AFAP1L2: variants seen among roughly 807,000 people sequenced by gnomAD.
AFAP1L2 encodes actin filament associated protein 1 like 2, also known as actin filament-associated protein 1-like 2.
Under a neutral mutation model 99.3 loss-of-function variants are expected in AFAP1L2, and 46 were observed. The ratio of observed to expected loss-of-function variants is 0.46; its 90% confidence interval spans 0.37 to 0.59. The LOEUF (loss-of-function observed/expected upper bound fraction) is 0.59, where lower values mean the gene tolerates loss of function less well. Ranked by LOEUF, AFAP1L2 falls within the 20% of genes least tolerant of loss-of-function variation. The pLI, the probability that AFAP1L2 is intolerant of heterozygous loss-of-function variation, is 0.00. For missense variants in AFAP1L2, 959 were observed against 1,034.9 expected, an observed-to-expected ratio of 0.93 and a Z score of 1.01; for synonymous variants, 397 against 419.1, an observed-to-expected ratio of 0.95 and a Z score of 0.64.
At chr10:114,381,409 T>C (rs940711750) in intron 1 of AFAP1L2, among the ~76,000 whole-genome samples, 1 of 152,102 alleles carries the variant, frequency 6.6e-6, no homozygotes, top group Non-Finnish European at 1.5e-5. Context: ...GATGAAGGGG[T>C]GATCAATAAA....
intron 1 of AFAP1L2, among the ~76,000 whole-genome samples, chr10:114,359,419 A>C (rs1249360465): frequency 2.0e-5 from 3 of 152,214 alleles, no homozygotes; most frequent in Admixed American, 6.5e-5. Context: ...GTACTTCTTA[A>C]TGGAGCAACT....
chr10:114,298,815 AGAAATGAAGGCTG>A lies in AFAP1L2; in HGVS notation c.2113+432_2113+444del, dbSNP rs984494786. Among the ~76,000 whole-genome samples, 18 of 152,334 alleles carry A rather than the reference AGAAATGAAGGCTG, an allele frequency of 1.2e-4. No individual in the cohort carries two copies. The East Asian group carries it at 1.9e-3, about 16-fold the overall frequency. ...TATCTTAAGTTTTTGTTGACTTTCA[AGAAATGAAGGCTG>A]GAAATGAAGGCTGATGCATTAACAG... On this transcript the variant is annotated intron_variant, in intron 16 of 18. Transcript: ENST00000304129.
At chr10:114,322,688 T>C (rs1044275478) in intron 5 of AFAP1L2, among the ~76,000 whole-genome samples, 1 of 152,086 alleles carries the variant, frequency 6.6e-6, no homozygotes. Flanking sequence ...GGAATGTCAG[T>C]GCTGGGATGA....
chr10:114,350,793 G>C (rs943912795), intron 1 of AFAP1L2, among the ~76,000 whole-genome samples: 1 of 152,150 alleles, frequency 6.6e-6, no homozygotes, highest in African/African-American at 2.4e-5. Flanking sequence ...GAGAACCCAC[G>C]GTGAAAGAAA....
chr10:114,283,051 C>T, the AFAP1L2 span, among the ~76,000 whole-genome samples: 3 of 152,190 alleles, frequency 2.0e-5, no homozygotes, highest in Non-Finnish European at 2.9e-5. Context: ...CCCAAATTAA[C>T]GTGAGGAATC....
At chr10:114,289,073 A>T in the AFAP1L2 span, 1 of 1,614,190 alleles carries the variant, frequency 6.2e-7, no homozygotes, top group Non-Finnish European at 8.5e-7. Context: ...GACGTGACAC[A>T]GGTCGGCCTG....
At chr10:114,340,824 G>A (rs201440552) in intron 1 of AFAP1L2, 93 bp from the exon 2 acceptor site, 148 of 1,555,944 alleles carry the variant, frequency 9.5e-5, no homozygotes, top group Admixed American at 1.8e-4. Context: ...CTCCCACCTC[G>A]AACCCTCTGG....
the AFAP1L2 span, chr10:114,286,136 G>A: frequency 1.9e-6 from 3 of 1,614,130 alleles, no homozygotes; most frequent in Non-Finnish European, 2.5e-6. Flanking sequence ...GCCTGTGGGG[G>A]AGTACCAGGA....
At chr10:114,399,059 G>A (rs955568196) in intron 1 of AFAP1L2, among the ~76,000 whole-genome samples, 2 of 152,168 alleles carry the variant, frequency 1.3e-5, no homozygotes, top group Non-Finnish European at 2.9e-5. Context: ...GAGAATATGT[G>A]ATCTCTTTGC....
At chr10:114,337,602 A>G (rs2048170982) in intron 2 of AFAP1L2, among the ~76,000 whole-genome samples, 1 of 152,122 alleles carries the variant, frequency 6.6e-6, no homozygotes, top group African/African-American at 2.4e-5. Context: ...GTCCACGGAG[A>G]GGGGAAGGCC....
Position 114,401,703 on chromosome 10 carries a change from TG to T in AFAP1L2, c.16+2736del, listed in dbSNP as rs147023851. Among the ~76,000 whole-genome samples the T allele has an allele frequency of 1.8e-3, 268 of 152,264 alleles. 3 individuals carry two copies. The highest frequency in any genetic ancestry group is 6.2e-3 in the African/African-American group (258 of 41,558). On this transcript the variant is annotated intron_variant, in intron 1 of 18. Transcript: ENST00000304129. ...CTTGGAAGGGACTGGGAAGAAAGTC[TG>T]GAAGTGTCTCTGCAACAGGCATGTC...
intron 1 of AFAP1L2, chr10:114,398,853 G>A (rs375440078): frequency 3.2e-4 from 417 of 1,304,264 alleles, no homozygotes; most frequent in Non-Finnish European, 3.9e-4. Flanking sequence ...ATACTCACAC[G>A]CAGAAACCTG....
At chr10:114,398,847 T>C in intron 1 of AFAP1L2, 1 of 1,304,254 alleles carries the variant, frequency 7.7e-7, no homozygotes, top group Non-Finnish European at 1.0e-6. Context: ...AGGCTCATAC[T>C]CACACGCAGA....
At chr10:114,294,804 T>C (rs2039927190), downstream of AFAP1L2, 1 of 982,264 alleles carries the variant, frequency 1.0e-6, no homozygotes, top group Non-Finnish European at 1.2e-6. Context: ...CCCCAAGTCA[T>C]TTCATGAACT....
intron 1 of AFAP1L2, among the ~76,000 whole-genome samples, chr10:114,403,323 A>T (rs1029079003): frequency 5.3e-5 from 8 of 152,192 alleles, no homozygotes; most frequent in African/African-American, 1.9e-4. Flanking sequence ...AAGCAATGGG[A>T]AAGTGAAAGA....
At chr10:114,354,977 G>A (rs2051102241) in intron 1 of AFAP1L2, among the ~76,000 whole-genome samples, 1 of 152,112 alleles carries the variant, frequency 6.6e-6, no homozygotes, top group Admixed American at 6.5e-5. Flanking sequence ...CCCTATATAA[G>A]GCATACCCCA....
intron 4 of AFAP1L2, among the ~76,000 whole-genome samples, chr10:114,331,521 T>C (rs1403521673): frequency 6.6e-6 from 1 of 152,210 alleles, no homozygotes; most frequent in African/African-American, 2.4e-5. Context: ...TTCATGGCCC[T>C]GTTCACATGG....
chr10:114,319,442 C>A, intron 5 of AFAP1L2: 1 of 744,364 alleles, frequency 1.3e-6, no homozygotes, highest in Non-Finnish European at 1.9e-6. Flanking sequence ...CATGCAAGTG[C>A]AAGACTCATG....
chr10:114,315,835 A>G, intron 5 of AFAP1L2, 70 bp from the exon 6 acceptor site: 1 of 1,459,472 alleles, frequency 6.9e-7, no homozygotes, highest in Non-Finnish European at 9.3e-7. Context: ...ATCGCTGGGG[A>G]GGGCAGCAGG....
Sources: gnomAD v4.1 joint callset for allele counts (sites outside exome capture counted in the v4.1 genomes callset) on GRCh38, gnomAD v4.1.1 for gene constraint, MANE v1.5 for transcripts, NCBI Gene and HGNC (gene_info 2026-07-23, HGNC 2026-07-21) for gene names.